Variants in QTRT1 observed in about 807,000 individuals in gnomAD.
QTRT1 encodes the protein queuine tRNA-ribosyltransferase catalytic subunit 1.
QTRT1 carries 41 observed loss-of-function variants against 44.0 expected under a neutral mutation model. That is an observed-to-expected ratio of 0.93 (90% CI 0.73 to 1.21). QTRT1 has a LOEUF of 1.21. QTRT1 is among the 50% of genes most tolerant of loss of function. QTRT1 has a pLI of 0.00. For missense variants in QTRT1, 542 were observed against 575.8 expected, an observed-to-expected ratio of 0.94 and a Z score of 0.60; for synonymous variants, 226 against 237.1, an observed-to-expected ratio of 0.95 and a Z score of 0.43.
At chr19:10,705,840 CTTTTT>C (rs71164114) in intron 3 of QTRT1, among the ~76,000 whole-genome samples, 1 of 37,700 alleles carries the variant, frequency 2.7e-5, no homozygotes, top group African/African-American at 1.1e-4. Flanking sequence ...CTGGCCTGTT[CTTTTT>C]TTTTTTTTTT....
In QTRT1 at chr19:10,712,649, G is replaced by C. The variant is rs2068744167; in HGVS notation, c.861+21G>C. On this transcript the variant is annotated intron_variant, in intron 7 of 9. Transcript: ENST00000250237. This position sits in a 1 kb window ranked among gnomAD's most constrained non-coding sequence, Gnocchi z 5.6. Reference sequence around the variant, plus strand: ...CAGCGGTGAGGCTCTGGCAGAAGGAGGTCAGGGCGGGAGACGGGTGGGGGA... The same window carrying C: ...CAGCGGTGAGGCTCTGGCAGAAGGACGTCAGGGCGGGAGACGGGTGGGGGA... 6.4e-7 allele frequency: 1 copy of C among 1,563,986 alleles called. No individual in the cohort carries two copies. Among genetic ancestry groups the C allele is most frequent in the Admixed American group, 1.7e-5 (1 of 58,092 alleles).
intron 5 of QTRT1, among the ~76,000 whole-genome samples, chr19:10,708,730 G>T (rs1474142678): frequency 6.6e-6 from 1 of 151,044 alleles, no homozygotes; most frequent in Non-Finnish European, 1.5e-5. Flanking sequence ...TTCAAAACCT[G>T]GCCCCAGACA....
intron 3 of QTRT1, 49 bp from the exon 4 acceptor site, chr19:10,707,253 C>T: frequency 6.3e-7 from 1 of 1,593,882 alleles, no homozygotes; most frequent in Non-Finnish European, 8.6e-7. Flanking sequence ...CAGGCTTTCC[C>T]CAAGCATTGC....
intron 3 of QTRT1, among the ~76,000 whole-genome samples, chr19:10,704,829 C>T (rs892589958): frequency 4.0e-5 from 6 of 151,794 alleles, no homozygotes; most frequent in Admixed American, 6.6e-5. Flanking sequence ...TCAGGTGATC[C>T]GCCTGCCTCA....
At chr19:10,702,863 G>A (rs1268757744) in intron 3 of QTRT1, among the ~76,000 whole-genome samples, 3 of 147,790 alleles carry the variant, frequency 2.0e-5, no homozygotes, top group Non-Finnish European at 4.5e-5. Context: ...TCTGCCTCCC[G>A]GGTTCAAGTG....
At chr19:10,710,051 A>G (rs566167946) in intron 5 of QTRT1, among the ~76,000 whole-genome samples, 44 of 151,862 alleles carry the variant, frequency 2.9e-4, no homozygotes, top group African/African-American at 1.0e-3. Context: ...CAAGCATGGG[A>G]GTGTGTGCCT....
rs1340579847 is a variant in QTRT1, at chr19:10,713,283, AGAGG to A, written c.*22_*25del. On this transcript the variant is annotated 3_prime_UTR_variant, in exon 10 of 10. Transcript: ENST00000250237. The surrounding 1 kb of genome is among the most constrained non-coding windows in gnomAD (Gnocchi z 4.3). Reference sequence around the variant, plus strand: ...CACACTGGGCTGACCTGGCATTGGGAGAGGGAGGGAGGAAGGAAGGGAGGGAGGG... The same window carrying A: ...CACACTGGGCTGACCTGGCATTGGGAGAGGGAGGAAGGAAGGGAGGGAGGG... The A allele has an allele frequency of 6.3e-7, 1 of 1,578,754 alleles. No individual in the cohort carries two copies. The highest frequency in any genetic ancestry group is 1.2e-5 in the South Asian group (1 of 86,320).
intron 3 of QTRT1, among the ~76,000 whole-genome samples, chr19:10,702,605 A>G (rs1000521237): frequency 1.3e-5 from 2 of 151,974 alleles, no homozygotes; most frequent in African/African-American, 4.8e-5. Flanking sequence ...GGAGTTGGAG[A>G]CCAGCTTGGG....
Position 10,712,225 on chromosome 19 carries a change from G to C in QTRT1, c.711G>C (p.Ser237=), listed in dbSNP as rs760339670. 1.2e-6 allele frequency: 2 copies of C among 1,613,980 alleles called. No individual in the cohort carries two copies. Among genetic ancestry groups the C allele is most frequent in the African/African-American group, 2.7e-5 (2 of 74,942 alleles). The change falls in exon 6 of 10, where the codon TCG becomes TCC. Residue 237 remains serine (S), a synonymous_variant. Coordinates refer to ENST00000250237, the MANE Select transcript of QTRT1 (RefSeq NM_031209.3). This position sits in a 1 kb window ranked among gnomAD's most constrained non-coding sequence, Gnocchi z 5.6. ...GCCTGAGCGGGGGTGAGAGCAAGTC[G>C]CAGTTCTGGCGGATGGTGGCGCTGA... is the stretch of plus-strand genomic sequence containing the variant. ...IGGLSGGESK[S]QFWRMVALST...
chr19:10,708,113 C>T (rs977488155), intron 5 of QTRT1, among the ~76,000 whole-genome samples: 9 of 151,736 alleles, frequency 5.9e-5, no homozygotes, highest in Non-Finnish European at 1.0e-4. Flanking sequence ...TACAGGCACC[C>T]GCCACCAGGC....
chr19:10,703,755 G>A (rs2068700442), intron 3 of QTRT1, among the ~76,000 whole-genome samples: 1 of 152,034 alleles, frequency 6.6e-6, no homozygotes, highest in Admixed American at 6.6e-5. Flanking sequence ...CTGACCTCAA[G>A]TGATCTGCCC....
In QTRT1 at chr19:10,702,179, C is replaced by T; in HGVS notation, c.376C>T (p.Arg126Cys). The part of the protein sequence containing the change: ...SLSEVTEEGV[R>C]FRSPYDGNET... ...GTCCGAGGTGACGGAGGAGGGCGTCCGCTTCCGCTCCCCCTACGACGGCAA... is the reference window on the plus strand; with the variant it reads ...GTCCGAGGTGACGGAGGAGGGCGTCTGCTTCCGCTCCCCCTACGACGGCAA... Residue 126 changes from arginine to cysteine, a missense_variant, in exon 3 of 10, where the codon CGC (arginine) becomes TGC (cysteine). Arg to Cys is a radical substitution (Grantham distance 180). Transcript: ENST00000250237. 3.7e-6 allele frequency: 6 copies of T among 1,614,080 alleles called. No individual in the cohort carries two copies. In the South Asian group the frequency reaches 4.4e-5, roughly 12 times the overall value.
In QTRT1 at chr19:10,701,537, C is replaced by A. The variant is rs1303955897; in HGVS notation, c.77C>A (p.Ser26Tyr). 6.2e-7 allele frequency: 1 copy of A among 1,601,404 alleles called. No individual in the cohort carries two copies. Among genetic ancestry groups the A allele is most frequent in the South Asian group, 1.1e-5 (1 of 90,406 alleles). ...CGGCTGGTGGCCGAATGCAGCCGCT[C>A]CAGGGCCCGGGCAGGCGAGCTGTGG... is the stretch of plus-strand genomic sequence containing the variant. ...IMRLVAECSR[S>Y]RARAGELWLP... is the part of the protein sequence containing the mutation. The change falls in exon 1 of 10, where the codon TCC becomes TAC. Residue 26 changes from serine (S) to tyrosine (Y), a missense_variant. Ser to Tyr is a moderately radical substitution (Grantham distance 144, BLOSUM62 -2). Transcript: ENST00000250237.
Position 10,712,172 on chromosome 19 carries a change from C to A in QTRT1, c.658C>A (p.Arg220=). 8 of 1,612,938 alleles carry A rather than the reference C, an allele frequency of 5.0e-6. No homozygotes were observed. Among genetic ancestry groups the A allele is most frequent in the Non-Finnish European group, 6.8e-6 (8 of 1,180,052 alleles). Residue 220 remains arginine (R), a synonymous_variant, in exon 6 of 10, where the codon CGA becomes AGA. Coordinates refer to ENST00000250237, the MANE Select transcript of QTRT1 (RefSeq NM_031209.3). The surrounding 1 kb of genome is among the most constrained non-coding windows in gnomAD (Gnocchi z 5.6). ...CCCTGTACCCTCAGAGATGACCAAGCGAGACGTGCCTGGCTTCGCCATCGG... is the reference window on the plus strand; with the variant it reads ...CCCTGTACCCTCAGAGATGACCAAGAGAGACGTGCCTGGCTTCGCCATCGG... ...RATCLEEMTK[R]DVPGFAIGGL...
intron 5 of QTRT1, among the ~76,000 whole-genome samples, chr19:10,707,955 T>A (rs1323562141): frequency 1.3e-5 from 2 of 151,330 alleles, no homozygotes; most frequent in Non-Finnish European, 2.9e-5. Flanking sequence ...TTTTACTTTT[T>A]TTTTTTTTGG....
Position 10,702,157 on chromosome 19 carries a change from C to G in QTRT1, c.354C>G (p.Ser118=), listed in dbSNP as rs1301941939. The G allele has an allele frequency of 1.2e-6, 2 of 1,614,100 alleles. No individual in the cohort carries two copies. The highest frequency in any genetic ancestry group is 1.7e-5 in the Admixed American group (1 of 59,990). The part of the protein sequence containing the change: ...GFQMVSLVSL[S]EVTEEGVRFR... ...AGATGGTGTCGCTGGTGTCTCTGTCCGAGGTGACGGAGGAGGGCGTCCGCT... is the reference window on the plus strand; with the variant it reads ...AGATGGTGTCGCTGGTGTCTCTGTCGGAGGTGACGGAGGAGGGCGTCCGCT... Residue 118 remains serine, a synonymous_variant, in exon 3 of 10, where the codon TCC becomes TCG. Transcript: ENST00000250237.
At chr19:10,704,862 C>G (rs377223089) in intron 3 of QTRT1, among the ~76,000 whole-genome samples, 1 of 151,860 alleles carries the variant, frequency 6.6e-6, no homozygotes, top group African/African-American at 2.4e-5. Context: ...GCTGGCATTA[C>G]AGGTGTGAGC....
Position 10,712,755 on chromosome 19 carries a change from C to T in QTRT1, c.862-3C>T, listed in dbSNP as rs1440123642. The T allele has an allele frequency of 2.2e-5, 35 of 1,613,600 alleles. No homozygotes were observed. The highest frequency in any genetic ancestry group is 2.7e-5 in the Non-Finnish European group (32 of 1,179,626). On this transcript the variant is annotated splice_region_variant and splice_polypyrimidine_tract_variant and intron_variant, in intron 7 of 9. Transcript: ENST00000250237. The surrounding 1 kb of genome is among the most constrained non-coding windows in gnomAD (Gnocchi z 5.6). ...CCCTTTCCCTGCCCTTCCTCTCCCA[C>T]AGCGCTTTGGCTCTGCCCTGGTGCC... is the stretch of plus-strand genomic sequence containing the variant.
At position 10,707,853 on chromosome 19, in the gene QTRT1, G is replaced by A. The variant is rs762604941; in HGVS notation, c.646+238G>A. Among the ~76,000 whole-genome samples, 18 of 151,796 alleles carry A rather than the reference G, an allele frequency of 1.2e-4. No homozygotes were observed. In the South Asian group the frequency reaches 2.1e-3, roughly 18 times the overall value. On this transcript the variant is annotated intron_variant, in intron 5 of 9. Transcript: ENST00000250237. ...TTGTTTTTGTTTTTTTTTTTGAGACGGAGTCTCAGGTGATCCACCCCCCTT... is the reference window on the plus strand; with the variant it reads ...TTGTTTTTGTTTTTTTTTTTGAGACAGAGTCTCAGGTGATCCACCCCCCTT...
Sources: gnomAD v4.1 joint callset for allele counts (sites outside exome capture counted in the v4.1 genomes callset) on GRCh38, gnomAD v4.1.1 for gene constraint, Gnocchi (gnomAD v3.1) non-coding constraint, MANE v1.5 for transcripts, NCBI Gene and HGNC (gene_info 2026-07-23, HGNC 2026-07-21) for gene names.